XKR9: variants seen among roughly 807,000 people sequenced by gnomAD.
XKR9 encodes the protein XK-related protein 9.
A neutral mutation model predicts 32.0 loss-of-function variants in XKR9; 32 were observed. The ratio of observed to expected loss-of-function variants is 1.00; its 90% CI spans 0.76 to 1.34. The LOEUF is 1.34. Ranked by LOEUF, XKR9 falls within the 40% of genes most tolerant of loss-of-function variation. The pLI, the probability that XKR9 is intolerant of heterozygous loss-of-function variation, is 0.00. For synonymous variants in XKR9, 168 were observed against 143.4 expected (o/e 1.17, Z -1.22); for missense variants, 546 against 429.7 (o/e 1.27, Z -2.39).
chr8:70,985,251 A>G, the XKR9 span, among the ~76,000 whole-genome samples: 1 of 152,210 alleles, frequency 6.6e-6, no homozygotes, highest in Non-Finnish European at 1.5e-5. Context: ...ATGAGTGAGA[A>G]CATGCAGTGT....
Position 70,680,929 on chromosome 8 carries a change from C to T in XKR9, c.-130C>T, listed in dbSNP as rs186795332. The T allele has an allele frequency of 2.1e-4, 166 of 793,324 alleles. 2 individuals are homozygous for T. Among genetic ancestry groups the T allele is most frequent in the South Asian group, 1.7e-3 (77 of 45,154 alleles). 49.1% of individuals were successfully genotyped at this position (793,324 alleles called of 1,614,324 possible). ...CATTTCATAATATTTATTCTTTCTT[C>T]TAAATAGATTTAGGGAGTAGAAATT... On this transcript the variant is annotated 5_prime_UTR_variant, in exon 3 of 5. Coordinates refer to ENST00000408926, the MANE Select transcript of XKR9 (RefSeq NM_001011720.2).
At chr8:70,880,529 C>T in the XKR9 span, among the ~76,000 whole-genome samples, 2 of 151,984 alleles carry the variant, frequency 1.3e-5, no homozygotes, top group African/African-American at 2.4e-5. Context: ...AGAATTGCTA[C>T]AAAGAGAATA....
At chr8:70,755,726 G>A (rs191927988) in intron 2 of XKR9, among the ~76,000 whole-genome samples, 192 of 146,608 alleles carry the variant, frequency 1.3e-3, no homozygotes, top group African/African-American at 4.7e-3. Flanking sequence ...CCATGGACAC[G>A]GGAAGGGGAA....
Position 70,735,912 on chromosome 8 carries a change from T to G in XKR9, c.*1488T>G, listed in dbSNP as rs376609467. On this transcript the variant is annotated 3_prime_UTR_variant, in exon 5 of 5. Transcript: ENST00000408926. ...AAGTCTTTGCTATTGTGAATAGTGC[T>G]GCAATAAACATACGTGTGCATGTGT... The G allele has an allele frequency of 1.3e-5, 2 of 151,516 alleles. No individual in the cohort carries two copies. The highest frequency in any genetic ancestry group is 2.9e-5 in the Non-Finnish European group (2 of 67,884). 9.4% of individuals were successfully genotyped at this position (151,516 alleles called of 1,614,324 possible).
intron 4 of XKR9, among the ~76,000 whole-genome samples, chr8:70,722,073 A>G (rs186212363): frequency 6.6e-6 from 1 of 151,072 alleles, no homozygotes; most frequent in East Asian, 1.9e-4. Flanking sequence ...GTCTTTTTTG[A>G]TATTTGTTGG....
At chr8:70,909,484 G>A in the XKR9 span, among the ~76,000 whole-genome samples, 2 of 151,924 alleles carry the variant, frequency 1.3e-5, no homozygotes, top group African/African-American at 4.8e-5. Context: ...TTTACGTTTT[G>A]TATAACATAT....
chr8:70,983,477 G>T, the XKR9 span, among the ~76,000 whole-genome samples: 3 of 152,142 alleles, frequency 2.0e-5, no homozygotes, highest in African/African-American at 7.2e-5. Context: ...ATAGTGTTTT[G>T]CCCATGGTGG....
chr8:70,746,716 C>T (rs10087915), intron 2 of XKR9, among the ~76,000 whole-genome samples: 102,508 of 151,480 alleles, frequency 0.68, 35,190 homozygotes, highest in Admixed American at 0.74. Context: ...GTCTGTCTTC[C>T]CCAAAACTCA....
chr8:70,698,717 T>G (rs1303803406), intron 3 of XKR9, among the ~76,000 whole-genome samples: 1 of 152,180 alleles, frequency 6.6e-6, no homozygotes, highest in Non-Finnish European at 1.5e-5. Flanking sequence ...GGTGCAGAGC[T>G]GAGTTCAATT....
intron 3 of XKR9, among the ~76,000 whole-genome samples, chr8:70,700,068 T>C (rs1052006577): frequency 6.6e-6 from 1 of 152,234 alleles, no homozygotes; most frequent in African/African-American, 2.4e-5. Flanking sequence ...TTGGTTATTC[T>C]AGTTATACAT....
At chr8:70,718,454 T>C (rs1806164204) in intron 4 of XKR9, among the ~76,000 whole-genome samples, 1 of 152,130 alleles carries the variant, frequency 6.6e-6, no homozygotes, top group Admixed American at 6.6e-5. Flanking sequence ...CTGTTTGTCC[T>C]AATGCTCTTG....
chr8:70,735,920 A>C lies in XKR9; in HGVS notation c.*1496A>C, dbSNP rs1231631339. On this transcript the variant is annotated 3_prime_UTR_variant, in exon 5 of 5. Coordinates refer to ENST00000408926, the MANE Select transcript of XKR9 (RefSeq NM_001011720.2). ...GCTATTGTGAATAGTGCTGCAATAA[A>C]CATACGTGTGCATGTGTCTTTATAG... 2 of 151,868 alleles carry C rather than the reference A, an allele frequency of 1.3e-5. No individual in the cohort carries two copies. The highest frequency in any genetic ancestry group is 3.9e-4 in the East Asian group (2 of 5,190). The allele number at this position is 151,868 out of a possible 1,614,324, so 9.4% of individuals were successfully genotyped here.
At chr8:70,871,262 A>T in the XKR9 span, among the ~76,000 whole-genome samples, 1 of 152,196 alleles carries the variant, frequency 6.6e-6, no homozygotes, top group Non-Finnish European at 1.5e-5. Context: ...AGAGATAACT[A>T]ATCATAAGCT....
the XKR9 span, among the ~76,000 whole-genome samples, chr8:71,037,530 C>T: frequency 1.3e-5 from 2 of 152,120 alleles, no homozygotes; most frequent in South Asian, 2.1e-4. Flanking sequence ...CAGTCCTTTT[C>T]CCAACTACTT....
downstream of XKR9, among the ~76,000 whole-genome samples, chr8:70,795,319 G>C (rs1287948135): frequency 6.6e-6 from 1 of 152,006 alleles, no homozygotes; most frequent in South Asian, 2.1e-4. Context: ...CTCGCTTATA[G>C]CTGCATAGTA....
At chr8:70,965,138 T>G in the XKR9 span, among the ~76,000 whole-genome samples, 1 of 152,218 alleles carries the variant, frequency 6.6e-6, no homozygotes, top group East Asian at 1.9e-4. Flanking sequence ...CCTAGTATAT[T>G]GAGAGTTTTT....
At chr8:70,918,268 A>C in the XKR9 span, among the ~76,000 whole-genome samples, 1 of 152,196 alleles carries the variant, frequency 6.6e-6, no homozygotes, top group Admixed American at 6.5e-5. Flanking sequence ...GCCAATGTAG[A>C]AGGAACCCAA....
chr8:70,837,081 G>A, the XKR9 span, among the ~76,000 whole-genome samples: 7 of 151,904 alleles, frequency 4.6e-5, no homozygotes, highest in East Asian at 5.8e-4. Context: ...GGTCTATGAC[G>A]AGCGGGTTAC....
chr8:70,864,788 T>C, the XKR9 span, among the ~76,000 whole-genome samples: 218 of 152,248 alleles, frequency 1.4e-3, no homozygotes, highest in African/African-American at 5.1e-3. Context: ...CCTGGATAAT[T>C]TGGATTAACC....
Sources: gnomAD v4.1 joint callset for allele counts (sites outside exome capture counted in the v4.1 genomes callset) on GRCh38, gnomAD v4.1.1 for gene constraint, MANE v1.5 for transcripts, NCBI Gene and HGNC (gene_info 2026-07-23, HGNC 2026-07-21) for gene names.